DGKB: variants seen among roughly 807,000 people sequenced by gnomAD.
DGKB encodes the protein diacylglycerol kinase beta.
In DGKB, 67 loss-of-function variants were observed where a neutral mutation model predicts 114.3. The ratio of observed to expected loss-of-function variants is 0.59; its 90% confidence interval spans 0.48 to 0.72. The LOEUF (loss-of-function observed/expected upper bound fraction) is 0.72, where lower values mean the gene tolerates loss of function less well. Among genes scored for constraint, DGKB ranks in the 30% least tolerant of loss-of-function variants. The pLI is 0.00. For missense variants in DGKB, 907 were observed against 975.2 expected, an observed-to-expected ratio of 0.93 and a Z score of 0.93; for synonymous variants, 398 against 323.1, an observed-to-expected ratio of 1.23 and a Z score of -2.49.
chr7:14,492,385 T>C (rs1784716192), intron 20 of DGKB, among the ~76,000 whole-genome samples: 1 of 151,990 alleles, frequency 6.6e-6, no homozygotes, highest in African/African-American at 2.4e-5. Flanking sequence ...AATTTAAAAA[T>C]ACCAATAAAA....
chr7:14,475,101 T>TA (rs1438647994), intron 21 of DGKB, among the ~76,000 whole-genome samples: 1 of 152,170 alleles, frequency 6.6e-6, no homozygotes, highest in Admixed American at 6.5e-5. Context: ...TTCCTTAAGA[T>TA]AATGTTAGAA....
intron 25 of DGKB, among the ~76,000 whole-genome samples, chr7:14,153,530 G>A (rs1041088734): frequency 2.0e-5 from 3 of 152,198 alleles, no homozygotes; most frequent in African/African-American, 7.2e-5. Flanking sequence ...CATCAGTCAA[G>A]TGGGTAAATG....
At chr7:14,624,476 T>C (rs1436658047) in intron 14 of DGKB, among the ~76,000 whole-genome samples, 2 of 152,190 alleles carry the variant, frequency 1.3e-5, no homozygotes, top group African/African-American at 2.4e-5. Context: ...TATGTTTTAA[T>C]GGAAATTTAA....
At chr7:14,720,462 G>A (rs1828954273) in intron 5 of DGKB, among the ~76,000 whole-genome samples, 2 of 147,246 alleles carry the variant, frequency 1.4e-5, no homozygotes, top group Admixed American at 1.3e-4. Context: ...GGGACACCAC[G>A]CCCGGCTGAT....
chr7:14,209,263 G>T (rs377603989), intron 23 of DGKB: 5 of 277,776 alleles, frequency 1.8e-5, no homozygotes, highest in East Asian at 1.1e-4. Context: ...TGCTTCAAAT[G>T]AATAATTAAA....
At chr7:14,722,172 G>A (rs1829282642) in intron 5 of DGKB, among the ~76,000 whole-genome samples, 1 of 152,114 alleles carries the variant, frequency 6.6e-6, no homozygotes, top group Non-Finnish European at 1.5e-5. Context: ...TATTCTATGA[G>A]TTTGGACAGG....
At chr7:14,579,815 C>T (rs1384296313) in intron 19 of DGKB, among the ~76,000 whole-genome samples, 1 of 152,076 alleles carries the variant, frequency 6.6e-6, no homozygotes, top group East Asian at 1.9e-4. Context: ...TGCTCAGGTC[C>T]CAATTCCAGA....
chr7:14,723,805 G>C (rs375265009), intron 5 of DGKB, among the ~76,000 whole-genome samples: 9 of 152,044 alleles, frequency 5.9e-5, no homozygotes, highest in African/African-American at 1.9e-4. Context: ...AAAGTAGTTA[G>C]CATTAGTCAT....
intron 1 of DGKB, among the ~76,000 whole-genome samples, chr7:14,935,141 C>A (rs1434385280): frequency 1.3e-5 from 2 of 152,074 alleles, no homozygotes; most frequent in African/African-American, 4.8e-5. Context: ...AAATGGTTTT[C>A]CAATTTAAAG....
At chr7:14,609,313 T>C (rs931473734) in intron 16 of DGKB, among the ~76,000 whole-genome samples, 6 of 152,150 alleles carry the variant, frequency 3.9e-5, no homozygotes, top group East Asian at 3.9e-4. Context: ...ATTCAATACA[T>C]GTTACTGGAA....
intron 14 of DGKB, among the ~76,000 whole-genome samples, chr7:14,630,007 T>G (rs1273780819): frequency 6.6e-6 from 1 of 152,082 alleles, no homozygotes; most frequent in East Asian, 1.9e-4. Flanking sequence ...TCACATAACT[T>G]CTTGTTTTCT....
intron 1 of DGKB, among the ~76,000 whole-genome samples, chr7:14,877,400 A>G (rs1853465713): frequency 6.6e-6 from 1 of 151,992 alleles, no homozygotes. Context: ...TACTGAAAAT[A>G]AAAAATTAGC....
chr7:14,333,383 C>T (rs1810071948), intron 23 of DGKB, among the ~76,000 whole-genome samples: 1 of 150,354 alleles, frequency 6.7e-6, no homozygotes, highest in Non-Finnish European at 1.5e-5. Context: ...ATGGCGTGAA[C>T]CCGGGAGGTG....
chr7:14,278,970 G>A (rs915867255), intron 23 of DGKB, among the ~76,000 whole-genome samples: 4 of 152,132 alleles, frequency 2.6e-5, no homozygotes, highest in African/African-American at 7.2e-5. Context: ...TCTGAGATAC[G>A]GGGTTCATCT....
rs374610278 is a variant in DGKB at position 14,203,161 on chromosome 7, CA to C, written c.2123-25011del. 4.6e-3 allele frequency among the ~76,000 whole-genome samples: 446 copies of C among 96,052 alleles called. 1 individual carries two copies. The highest frequency in any genetic ancestry group is 0.02 in the South Asian group (60 of 3,034). The allele number at this position is 96,052 out of a possible 152,430, so 63.0% of individuals were successfully genotyped here. A position where few individuals can be genotyped will look rare whatever the true frequency, so the allele number is the denominator to read the frequency against. ...GGCCAGTATCAAAAAGAGCAGTAGC[CA>C]AAAAAAAAAAAAAAAGTTAAAAGTT... On this transcript the variant is annotated intron_variant, in intron 23 of 25. Transcript: ENST00000402815.
chr7:14,312,961 T>C (rs938692570), intron 23 of DGKB, among the ~76,000 whole-genome samples: 3 of 152,210 alleles, frequency 2.0e-5, no homozygotes, highest in Non-Finnish European at 4.4e-5. Context: ...AGAACTGATA[T>C]TATTTTCAAA....
intron 2 of DGKB, among the ~76,000 whole-genome samples, chr7:14,831,109 G>C (rs1026967471): frequency 1.3e-5 from 2 of 151,830 alleles, no homozygotes; most frequent in Admixed American, 1.3e-4. Flanking sequence ...CTTTGAAAAA[G>C]TAGGGCACAA....
chr7:14,211,005 GT>G (rs1787686520), intron 23 of DGKB, among the ~76,000 whole-genome samples: 1 of 151,994 alleles, frequency 6.6e-6, no homozygotes, highest in Non-Finnish European at 1.5e-5. Flanking sequence ...CTCTGTAGAT[GT>G]TATGTTCCCC....
chr7:14,399,529 C>A (rs1035641931), intron 21 of DGKB, among the ~76,000 whole-genome samples: 1 of 151,570 alleles, frequency 6.6e-6, no homozygotes. Flanking sequence ...ATACAAATAA[C>A]CCTTAACTAA....
Sources: allele counts gnomAD v4.1 joint callset (sites outside exome capture counted in the v4.1 genomes callset), GRCh38; gene constraint gnomAD v4.1.1; transcripts MANE v1.5; gene names NCBI Gene and HGNC (gene_info 2026-07-23, HGNC 2026-07-21).